The following PRIM2 variants were observed in gnomAD, a reference collection of about 807,000 sequenced individuals.
The protein encoded by PRIM2 is DNA primase large subunit.
In PRIM2, 39 loss-of-function variants were observed where a neutral mutation model predicts 67.3. That is an observed-to-expected ratio of 0.58 (90% CI 0.45 to 0.76). The LOEUF is 0.76. PRIM2 is among the 30% of genes least tolerant of loss of function. PRIM2 has a pLI of 0.00. For missense variants in PRIM2, 398 were observed against 598.7 expected, an observed-to-expected ratio of 0.66 and a Z score of 3.50; for synonymous variants, 143 against 198.7, an observed-to-expected ratio of 0.72 and a Z score of 2.36.
At chr6:57,618,504 C>A (rs1442582606) in intron 12 of PRIM2, among the ~76,000 whole-genome samples, 1 of 152,146 alleles carries the variant, frequency 6.6e-6, no homozygotes, top group East Asian at 1.9e-4. Flanking sequence ...CGGGAGACAC[C>A]CCAAATACTC....
intron 8 of PRIM2, among the ~76,000 whole-genome samples, chr6:57,513,232 G>A (rs1214381123): frequency 6.6e-6 from 1 of 150,698 alleles, no homozygotes; most frequent in Non-Finnish European, 1.5e-5. Flanking sequence ...TTGGTAGTTT[G>A]GAGATACATA....
At chr6:57,381,783 T>A (rs62415468) in intron 6 of PRIM2, among the ~76,000 whole-genome samples, 1 of 152,216 alleles carries the variant, frequency 6.6e-6, no homozygotes, top group Admixed American at 6.5e-5. Context: ...GGAATAAAAG[T>A]AAGCATTCCA....
rs1366213821 is a variant in PRIM2 at position 57,420,414 on chromosome 6, A to G, written c.693+38246A>G. Among the ~76,000 whole-genome samples the G allele has an allele frequency of 4.6e-5, 7 of 152,228 alleles. No individual in the cohort carries two copies. In the East Asian group the frequency reaches 1.4e-3, roughly 29 times the overall value. ...GCTACTCAGGAGGCTGAGGCAGGAG[A>G]ATCCCTTGAACCCAGAAGGCGGAGG... is the stretch of plus-strand genomic sequence containing the variant. On this transcript the variant is annotated intron_variant, in intron 7 of 13. Coordinates refer to ENST00000615550, the MANE Select transcript of PRIM2 (RefSeq NM_000947.5).
chr6:57,462,825 T>C (rs1273041338), intron 7 of PRIM2, among the ~76,000 whole-genome samples: 2 of 152,192 alleles, frequency 1.3e-5, no homozygotes, highest in African/African-American at 4.8e-5. Flanking sequence ...CTGATTCCTC[T>C]TGAAAGTAGA....
chr6:57,377,063 T>C (rs1769791711), intron 5 of PRIM2, among the ~76,000 whole-genome samples: 1 of 150,314 alleles, frequency 6.7e-6, no homozygotes, highest in Admixed American at 6.6e-5. Context: ...TTTTTTTTGG[T>C]ATCTTTAGTA....
At chr6:57,383,058 G>T (rs1770015921) in intron 7 of PRIM2, 1 of 152,026 alleles carries the variant, frequency 6.6e-6, no homozygotes, top group Non-Finnish European at 1.5e-5. Flanking sequence ...AGCATAACAG[G>T]TATTTAGTAA....
intron 10 of PRIM2, among the ~76,000 whole-genome samples, chr6:57,600,031 A>G (rs1776433392): frequency 6.6e-6 from 1 of 152,174 alleles, no homozygotes; most frequent in Non-Finnish European, 1.5e-5. Flanking sequence ...ACTGTTGTAC[A>G]TCACATTGCT....
chr6:57,289,497 T>C, the PRIM2 span, among the ~76,000 whole-genome samples: 1 of 151,912 alleles, frequency 6.6e-6, no homozygotes, highest in Admixed American at 6.6e-5. Context: ...CCAAGACACA[T>C]AATTGTCAGA....
At chr6:57,520,488 A>G (rs1324614769) in intron 8 of PRIM2, among the ~76,000 whole-genome samples, 1 of 152,200 alleles carries the variant, frequency 6.6e-6, no homozygotes, top group African/African-American at 2.4e-5. Context: ...TAGAATATAT[A>G]CTAAGAATAT....
In PRIM2 at chr6:57,330,348, G is replaced by GTTTT. The variant is rs1238317111; in HGVS notation, c.459+4312_459+4315dup. On this transcript the variant is annotated intron_variant, in intron 5 of 13. Coordinates refer to ENST00000615550, the MANE Select transcript of PRIM2 (RefSeq NM_000947.5). The stretch of plus-strand genomic sequence containing the variant: ...TGTATCCTGCAACCTTGCTGAACTT[G>GTTTT]TTTTTTTTTTTTGTTTTTGTTTTTT... Among the ~76,000 whole-genome samples, 54 of 87,780 alleles carry GTTTT rather than the reference G, an allele frequency of 6.2e-4. 3 individuals carry two copies. The highest frequency in any genetic ancestry group is 2.0e-3 in the African/African-American group (40 of 20,128). The allele number at this position is 87,780 out of a possible 152,430, so 57.6% of individuals were successfully genotyped here.
At chr6:57,515,094 A>G (rs2127462107) in intron 8 of PRIM2, among the ~76,000 whole-genome samples, 1 of 152,358 alleles carries the variant, frequency 6.6e-6, no homozygotes, top group South Asian at 2.1e-4. Context: ...TGCATACTTT[A>G]ATTATAAAGT....
chr6:57,287,692 G>T, the PRIM2 span, among the ~76,000 whole-genome samples: 1 of 151,840 alleles, frequency 6.6e-6, no homozygotes, highest in Non-Finnish European at 1.5e-5. Flanking sequence ...GGGTTGATAG[G>T]TGCAGGAAAA....
chr6:57,327,447 G>C (rs1767903379), intron 5 of PRIM2, among the ~76,000 whole-genome samples: 1 of 152,162 alleles, frequency 6.6e-6, no homozygotes, highest in Non-Finnish European at 1.5e-5. Context: ...ATATGAGTTA[G>C]GGAAAAGAGA....
chr6:57,426,888 G>T (rs1258758012), intron 7 of PRIM2, among the ~76,000 whole-genome samples: 2 of 152,114 alleles, frequency 1.3e-5, no homozygotes, highest in Non-Finnish European at 2.9e-5. Context: ...TAAATAGCCA[G>T]GTCTTTGTTA....
chr6:57,532,572 G>A (rs1396382293), intron 9 of PRIM2, 89 bp downstream of exon 9: 3 of 479,120 alleles, frequency 6.3e-6, no homozygotes, highest in African/African-American at 2.0e-5. Flanking sequence ...TGAGGAGATA[G>A]AATATTATTT....
chr6:57,595,181 A>T (rs1391172465), intron 10 of PRIM2, among the ~76,000 whole-genome samples: 1 of 152,302 alleles, frequency 6.6e-6, no homozygotes, highest in Admixed American at 6.5e-5. Flanking sequence ...ACTACTCTGG[A>T]AAATGTTTGG....
intron 7 of PRIM2, among the ~76,000 whole-genome samples, chr6:57,446,741 G>C (rs918914831): frequency 1.3e-5 from 2 of 152,100 alleles, no homozygotes; most frequent in African/African-American, 4.8e-5. Context: ...ATTGGGAATG[G>C]GACCTAATAA....
chr6:57,450,507 C>T (rs1276364935), intron 7 of PRIM2, among the ~76,000 whole-genome samples: 2 of 152,176 alleles, frequency 1.3e-5, no homozygotes, highest in Non-Finnish European at 2.9e-5. Flanking sequence ...CTATTTCTAT[C>T]TAAAAGGCTT....
At chr6:57,286,176 T>C in the PRIM2 span, among the ~76,000 whole-genome samples, 1 of 152,174 alleles carries the variant, frequency 6.6e-6, no homozygotes. Flanking sequence ...AAAATGGCCA[T>C]ACTTCCCAAA....
Sources: allele counts gnomAD v4.1 joint callset (sites outside exome capture counted in the v4.1 genomes callset), GRCh38; gene constraint gnomAD v4.1.1; transcripts MANE v1.5; gene names NCBI Gene and HGNC (gene_info 2026-07-23, HGNC 2026-07-21).